The following DPH6 variants were observed in gnomAD, a reference collection of about 807,000 sequenced individuals.
The protein encoded by DPH6 is diphthamine biosynthesis 6, also known as diphthine--ammonia ligase.
In DPH6, 33 loss-of-function variants were observed where a neutral mutation model predicts 38.2. The ratio of observed to expected loss-of-function variants is 0.86; its 90% CI spans 0.65 to 1.15. DPH6 has a LOEUF of 1.15. DPH6 is among the 50% of genes most tolerant of loss of function. DPH6 has a pLI of 0.00. For synonymous variants in DPH6, 108 were observed against 103.0 expected (o/e 1.05, Z -0.30); for missense variants, 325 against 320.0 (o/e 1.02, Z -0.12).
At chr15:35,343,074 T>C (rs1312659781) in intron 3 of DPH6, among the ~76,000 whole-genome samples, 2 of 152,210 alleles carry the variant, frequency 1.3e-5, no homozygotes, top group Admixed American at 6.5e-5. Flanking sequence ...TTTTTGAATA[T>C]ACCTAGAATA....
At chr15:35,313,141 G>GA (rs2052158742) in intron 3 of DPH6, among the ~76,000 whole-genome samples, 1 of 152,098 alleles carries the variant, frequency 6.6e-6, no homozygotes, top group Non-Finnish European at 1.5e-5. Context: ...GCTGAGGCAG[G>GA]AGAATGGCTT....
intron 3 of DPH6, among the ~76,000 whole-genome samples, chr15:35,496,590 A>C (rs1432723366): frequency 1.5e-5 from 2 of 130,748 alleles, no homozygotes; most frequent in East Asian, 2.3e-4. Context: ...ATATATATAT[A>C]TCCTCTACCA....
At chr15:35,496,295 C>T (rs1354344434) in intron 3 of DPH6, among the ~76,000 whole-genome samples, 20 of 151,806 alleles carry the variant, frequency 1.3e-4, no homozygotes. Context: ...TGACTAACGC[C>T]TATAATCCCA....
chr15:35,482,934 T>C (rs1167204683), intron 3 of DPH6, among the ~76,000 whole-genome samples: 2 of 152,044 alleles, frequency 1.3e-5, no homozygotes, highest in Non-Finnish European at 2.9e-5. Flanking sequence ...ATACATCTGA[T>C]AAAATGCTTT....
At chr15:35,477,159 A>T (rs1372529079) in intron 3 of DPH6, among the ~76,000 whole-genome samples, 1 of 151,866 alleles carries the variant, frequency 6.6e-6, no homozygotes, top group African/African-American at 2.4e-5. Flanking sequence ...AAGTGGAGGG[A>T]AAAAACCCTA....
At position 35,481,443 on chromosome 15, in the gene DPH6, C is replaced by T. The variant is rs751156335; in HGVS notation, c.313-26623G>A. On this transcript the variant is annotated intron_variant, in intron 3 of 8. Transcript: ENST00000256538. ...AAAGACATATTAACCAATTGCAATA[C>T]ATGAAACTTCTTTGGATCTTGATTC... is the stretch of plus-strand genomic sequence containing the variant. Among the ~76,000 whole-genome samples the T allele has an allele frequency of 2.0e-4, 30 of 152,174 alleles. No individual in the cohort carries two copies. The Middle Eastern group carries it at 0.01, about 52-fold the overall frequency.
chr15:35,170,070 T>A, the DPH6 span, among the ~76,000 whole-genome samples: 1 of 152,204 alleles, frequency 6.6e-6, no homozygotes, highest in Non-Finnish European at 1.5e-5. Flanking sequence ...TTAGGCTAAT[T>A]TGATAAAGGA....
At chr15:35,325,269 C>T (rs998188063) in intron 3 of DPH6, among the ~76,000 whole-genome samples, 2 of 151,894 alleles carry the variant, frequency 1.3e-5, no homozygotes, top group African/African-American at 4.8e-5. Flanking sequence ...TTAAAAAATA[C>T]CAAGATAATT....
At chr15:35,442,659 G>A (rs1043309159) in intron 5 of DPH6, among the ~76,000 whole-genome samples, 6 of 152,030 alleles carry the variant, frequency 3.9e-5, no homozygotes, top group Non-Finnish European at 7.4e-5. Flanking sequence ...CTAAATAAAC[G>A]TATCTTTGTA....
the DPH6 span, among the ~76,000 whole-genome samples, chr15:35,180,392 AACACACACACACACACACACACACAC>A: frequency 1.1e-4 from 16 of 140,546 alleles, no homozygotes; most frequent in South Asian, 4.7e-4. Context: ...TTGGTTTTAA[AACACACACACACACACACACACACAC>A]ACACACACAC....
At chr15:35,165,146 C>T in the DPH6 span, among the ~76,000 whole-genome samples, 2 of 151,856 alleles carry the variant, frequency 1.3e-5, no homozygotes, top group Non-Finnish European at 2.9e-5. Context: ...AATACAGTAG[C>T]CACCACATGA....
chr15:35,363,729 CT>C (rs2052633588), intron 3 of DPH6, among the ~76,000 whole-genome samples: 1 of 151,676 alleles, frequency 6.6e-6, no homozygotes, highest in Non-Finnish European at 1.5e-5. Context: ...TTTCTATTGC[CT>C]TTTAAAAATT....
chr15:35,456,419 A>G (rs1411079697), intron 3 of DPH6, among the ~76,000 whole-genome samples: 1 of 149,726 alleles, frequency 6.7e-6, no homozygotes, highest in African/African-American at 2.4e-5. Context: ...ACAAAGACAA[A>G]AGCCACTGTT....
chr15:35,236,428 G>A (rs1033707704), intron 3 of DPH6, among the ~76,000 whole-genome samples: 22 of 152,102 alleles, frequency 1.4e-4, no homozygotes, highest in African/African-American at 5.1e-4. Flanking sequence ...CACGAGGTCA[G>A]GAGATCGAGA....
intron 3 of DPH6, chr15:35,520,243 A>AAAG: frequency 2.3e-6 from 2 of 866,152 alleles, no homozygotes; most frequent in South Asian, 5.4e-5. Flanking sequence ...AAAAAAAACA[A>AAAG]AAGAAGAAGA....
chr15:35,333,330 C>G (rs1481737472), intron 3 of DPH6, among the ~76,000 whole-genome samples: 1 of 151,996 alleles, frequency 6.6e-6, no homozygotes, highest in African/African-American at 2.4e-5. Flanking sequence ...AAGTATTATA[C>G]TACAAAAGGC....
intron 4 of DPH6, 139 bp downstream of exon 4, chr15:35,454,607 AG>A: frequency 1.7e-6 from 1 of 603,566 alleles, no homozygotes; most frequent in Non-Finnish European, 2.8e-6. Context: ...TTTGTTACTT[AG>A]GTAAATACAC....
Position 35,538,466 on chromosome 15 carries a change from C to T in DPH6, c.120G>A (p.Val40=). The change falls in exon 3 of 9, where the codon GTG becomes GTA. Residue 40 remains valine (V), a splice_region_variant and synonymous_variant. Coordinates refer to ENST00000256538, the MANE Select transcript of DPH6 (RefSeq NM_080650.4). ...TGTAGCTATCCAGTTCATCAGACCC[C>T]ACTGCAACAATTAAAATGGAAATAA... is the stretch of plus-strand genomic sequence containing the variant. The part of the protein sequence containing the change: ...LANLRPAENQ[V]GSDELDSYMY... 6.6e-7 allele frequency: 1 copy of T among 1,511,962 alleles called. No individual in the cohort carries two copies. The highest frequency in any genetic ancestry group is 9.0e-7 in the Non-Finnish European group (1 of 1,113,902). 93.7% of individuals were successfully genotyped at this position (1,511,962 alleles called of 1,614,324 possible). A position where few individuals can be genotyped will look rare whatever the true frequency, so the allele number is the denominator to read the frequency against.
At chr15:35,498,204 G>A (rs1175640633) in intron 3 of DPH6, among the ~76,000 whole-genome samples, 1 of 152,072 alleles carries the variant, frequency 6.6e-6, no homozygotes, top group East Asian at 1.9e-4. Flanking sequence ...CCATGTCCCT[G>A]AGTGCCAGCC....
Sources: gnomAD v4.1 joint callset for allele counts (sites outside exome capture counted in the v4.1 genomes callset) on GRCh38, gnomAD v4.1.1 for gene constraint, MANE v1.5 for transcripts, NCBI Gene and HGNC (gene_info 2026-07-23, HGNC 2026-07-21) for gene names.